Variants in HEATR6 observed in about 807,000 individuals in gnomAD.
The protein encoded by HEATR6 is HEAT repeat containing 6.
In HEATR6, 106 loss-of-function variants were observed where a neutral mutation model predicts 132.8. That is an observed-to-expected ratio of 0.80 (90% CI 0.68 to 0.94). The LOEUF is 0.94. Among genes scored for constraint, HEATR6 ranks in the 40% least tolerant of loss-of-function variants. HEATR6 has a pLI of 0.00. For synonymous variants in HEATR6, 529 were observed against 537.8 expected (o/e 0.98, Z 0.23); for missense variants, 1,339 against 1,425.1 (o/e 0.94, Z 0.97).
At position 60,049,617 on chromosome 17, in the gene HEATR6, G is replaced by A. The variant is rs758528212; in HGVS notation, c.2510C>T (p.Ala837Val). 2.5e-6 allele frequency: 4 copies of A among 1,613,768 alleles called. No homozygotes were observed. In the East Asian group the frequency reaches 8.9e-5, roughly 36 times the overall value. ...GGGAAAAAGCACATAGACTCCCAGGGCCCGTGAAGTTGCAGCTTTCACTAA... is the reference window on the plus strand; with the variant it reads ...GGGAAAAAGCACATAGACTCCCAGGACCCGTGAAGTTGCAGCTTTCACTAA... ...NRLVKAATSR[A>V]LGVYVLFPCL... Residue 837 changes from alanine (A) to valine (V), a missense_variant, in exon 16 of 20, where the codon GCC (alanine) becomes GTC (valine). Ala to Val is a moderately conservative substitution (Grantham distance 64, BLOSUM62 0). Transcript: ENST00000184956.
At chr17:60,044,578 G>C (rs1906300445) in intron 19 of HEATR6, among the ~76,000 whole-genome samples, 1 of 152,194 alleles carries the variant, frequency 6.6e-6, no homozygotes, top group Non-Finnish European at 1.5e-5. Flanking sequence ...ACACTGCTCT[G>C]GCCATAGCCA....
Position 60,043,491 on chromosome 17 carries a change from C to A in HEATR6, c.*72G>T. On this transcript the variant is annotated 3_prime_UTR_variant, in exon 20 of 20. Coordinates refer to ENST00000184956, the MANE Select transcript of HEATR6 (RefSeq NM_022070.5). ...ATTGTTTCTGCCCCTAAGATGAAAT[C>A]CCACAGATCTTATGCTCAAGCTCAG... 8.2e-7 allele frequency: 1 copy of A among 1,217,600 alleles called. No homozygotes were observed. Among genetic ancestry groups the A allele is most frequent in the South Asian group, 1.4e-5 (1 of 69,946 alleles). 75.4% of individuals were successfully genotyped at this position (1,217,600 alleles called of 1,614,324 possible).
chr17:60,057,576 C>T (rs1906786174), intron 11 of HEATR6, among the ~76,000 whole-genome samples, 173 bp from the exon 12 acceptor site: 1 of 152,136 alleles, frequency 6.6e-6, no homozygotes, highest in Non-Finnish European at 1.5e-5. Context: ...TAAGTTAACA[C>T]CATAAAGAAA....
In HEATR6 at chr17:60,076,240, AC is replaced by A; in HGVS notation, c.220-4del. 3 of 1,548,524 alleles carry A rather than the reference AC, an allele frequency of 1.9e-6. No individual in the cohort carries two copies. The highest frequency in any genetic ancestry group is 1.1e-5 in the South Asian group (1 of 88,024). ...TGGACAAGAAGAGCACTAACGTCCTACCAAAAAAAAAAAGATAAGAGGTAAA... is the reference window on the plus strand; with the variant it reads ...TGGACAAGAAGAGCACTAACGTCCTACAAAAAAAAAAAGATAAGAGGTAAA... On this transcript the variant is annotated splice_region_variant and splice_polypyrimidine_tract_variant and intron_variant, in intron 1 of 19. Transcript: ENST00000184956.
rs1164760278 is a variant in HEATR6, at chr17:60,041,700, T to C, written c.*1863A>G. Among the ~76,000 whole-genome samples, 3 of 152,230 alleles carry C rather than the reference T, an allele frequency of 2.0e-5. No homozygotes were observed. The highest frequency in any genetic ancestry group is 7.2e-5 in the African/African-American group (3 of 41,458). ...ATGGAAAATTGAGCCTTTAGTGAAC[T>C]TGAATACCCTGTTCCCCAATCACTG... is the stretch of plus-strand genomic sequence containing the variant. On this transcript the variant is annotated 3_prime_UTR_variant, in exon 20 of 20. Transcript: ENST00000184956.
At chr17:60,073,457 C>A (rs2083280030) in intron 3 of HEATR6, among the ~76,000 whole-genome samples, 178 bp from the exon 4 acceptor site, 1 of 152,156 alleles carries the variant, frequency 6.6e-6, no homozygotes. Flanking sequence ...CAATAATGAT[C>A]ATTACTCCCA....
At chr17:60,048,998 ATATAT>A (rs1906480798) in intron 16 of HEATR6, among the ~76,000 whole-genome samples, 1 of 128,460 alleles carries the variant, frequency 7.8e-6, no homozygotes, top group Non-Finnish European at 1.6e-5. Context: ...ATATATATAT[ATATAT>A]ATATATATAT....
At position 60,070,739 on chromosome 17, in the gene HEATR6, AG is replaced by A. The variant is rs1568641421; in HGVS notation, c.767del (p.Thr256MetfsTer8). ...LNGGRMKLTQ[T>X]DELGALLAVL... The stretch of plus-strand genomic sequence containing the variant: ...CAGCTAAAAGTGCTCCAAGTTCATC[AG>A]TCTGTGTTAGTTTCATTCTCCCACC... On this transcript the variant is annotated frameshift_variant, in exon 6 of 20. Transcript: ENST00000184956. LOFTEE classifies it high-confidence loss of function. The A allele has an allele frequency of 6.2e-7, 1 of 1,608,166 alleles. No individual in the cohort carries two copies. Among genetic ancestry groups the A allele is most frequent in the Non-Finnish European group, 8.5e-7 (1 of 1,174,722 alleles).
chr17:60,052,957 T>A (rs1055611661), intron 14 of HEATR6, among the ~76,000 whole-genome samples: 12 of 152,146 alleles, frequency 7.9e-5, no homozygotes, highest in Non-Finnish European at 1.6e-4. Context: ...GGTTTATTAT[T>A]CCTTTTTTAC....
chr17:60,062,638 CAT>C (rs1366060980), intron 9 of HEATR6, among the ~76,000 whole-genome samples: 4 of 152,156 alleles, frequency 2.6e-5, no homozygotes, highest in East Asian at 1.9e-4. Flanking sequence ...TGACTGTTCA[CAT>C]GTTATTTTAT....
chr17:60,071,848 G>A (rs1268223092), intron 5 of HEATR6, among the ~76,000 whole-genome samples: 2 of 152,112 alleles, frequency 1.3e-5, no homozygotes, highest in African/African-American at 2.4e-5. Flanking sequence ...TTTAAAAGAT[G>A]TTAATAAACT....
At chr17:60,072,789 A>T (rs2083276805) in intron 4 of HEATR6, among the ~76,000 whole-genome samples, 2 of 152,226 alleles carry the variant, frequency 1.3e-5, no homozygotes, top group African/African-American at 2.4e-5. Context: ...GGCTGTTTCC[A>T]TCTTCTTCAA....
intron 9 of HEATR6, among the ~76,000 whole-genome samples, chr17:60,061,265 G>A (rs1368049206): frequency 5.3e-5 from 8 of 152,178 alleles, no homozygotes; most frequent in Non-Finnish European, 8.8e-5. Flanking sequence ...CAAACAACCA[G>A]GTAATAAATC....
At position 60,057,048 on chromosome 17, in the gene HEATR6, C is replaced by T. The variant is rs1223764346; in HGVS notation, c.2079G>A (p.Gln693=). ...EPSPMRLEAL[Q]VLTLLARGYF... is the part of the protein sequence containing the mutation. ...GAGATGAGGAAATGAAATCTCCTACCTGTAAGGCCTCCAGTCGCATGGGGG... is the reference window on the plus strand; with the variant it reads ...GAGATGAGGAAATGAAATCTCCTACTTGTAAGGCCTCCAGTCGCATGGGGG... Residue 693 remains glutamine, a splice_region_variant and synonymous_variant, in exon 12 of 20, where the codon CAG becomes CAA. Transcript: ENST00000184956. 9.5e-6 allele frequency: 15 copies of T among 1,577,670 alleles called. No individual in the cohort carries two copies. In the Admixed American group the frequency reaches 2.5e-4, roughly 27 times the overall value.
intron 1 of HEATR6, among the ~76,000 whole-genome samples, chr17:60,077,689 A>C (rs1219473925): frequency 6.6e-6 from 1 of 152,196 alleles, no homozygotes; most frequent in Non-Finnish European, 1.5e-5. Flanking sequence ...AAAGTTTATG[A>C]ACAATTTTTT....
chr17:60,068,831 A>G (rs1269809045), intron 7 of HEATR6, among the ~76,000 whole-genome samples: 1 of 152,124 alleles, frequency 6.6e-6, no homozygotes, highest in Admixed American at 6.6e-5. Flanking sequence ...AGTGTCCTCA[A>G]TGTGTTCCCA....
intron 2 of HEATR6, 45 bp from the exon 3 acceptor site, chr17:60,073,931 A>T (rs2083283628): frequency 6.3e-7 from 1 of 1,592,332 alleles, no homozygotes; most frequent in Non-Finnish European, 8.5e-7. Flanking sequence ...CTTTTAAAAA[A>T]TATTATGCTT....
At chr17:60,072,189 C>T (rs1175722255) in intron 5 of HEATR6, 26 bp downstream of exon 5, 1 of 1,222,150 alleles carries the variant, frequency 8.2e-7, no homozygotes, top group African/African-American at 1.5e-5. Flanking sequence ...CCGCAACATT[C>T]ACTACGTCAA....
chr17:60,047,406 C>T lies in HEATR6; in HGVS notation c.2673-1G>A. The T allele has an allele frequency of 6.3e-7, 1 of 1,598,734 alleles. No homozygotes were observed. Among genetic ancestry groups the T allele is most frequent in the South Asian group, 1.1e-5 (1 of 90,450 alleles). On this transcript the variant is annotated splice_acceptor_variant, in intron 17 of 19. Coordinates refer to ENST00000184956, the MANE Select transcript of HEATR6 (RefSeq NM_022070.5). LOFTEE classifies it high-confidence loss of function. ...CTGGAAACTTGGGTCTGGTGTTTCC[C>T]TGTTCCACCCAAAGCAGACAACACA...
Sources: gnomAD v4.1 joint callset for allele counts (sites outside exome capture counted in the v4.1 genomes callset) on GRCh38, gnomAD v4.1.1 for gene constraint, MANE v1.5 for transcripts, NCBI Gene and HGNC (gene_info 2026-07-23, HGNC 2026-07-21) for gene names.